The following PAX3 variants were observed in gnomAD, a reference collection of about 807,000 sequenced individuals.
PAX3 encodes the protein paired box protein Pax-3.
In PAX3, 14 loss-of-function variants were observed where a neutral mutation model predicts 51.6. The ratio of observed to expected loss-of-function variants is 0.27; its 90% confidence interval spans 0.18 to 0.42. The LOEUF is 0.42. PAX3 is among the 10% of genes least tolerant of loss of function. The probability of loss-of-function intolerance (pLI) is 1.00; values close to 1 mark genes in which losing one functional copy is unlikely to be tolerated. For missense variants in PAX3, 540 were observed against 642.8 expected, an observed-to-expected ratio of 0.84 and a Z score of 1.73; for synonymous variants, 280 against 253.4, an observed-to-expected ratio of 1.11 and a Z score of -1.00.
At chr2:222,231,379 T>C (rs905462908) in intron 5 of PAX3, among the ~76,000 whole-genome samples, 6 of 152,240 alleles carry the variant, frequency 3.9e-5, no homozygotes, top group Admixed American at 3.9e-4. Flanking sequence ...GATGAAAACA[T>C]TATTCTATAC....
chr2:222,216,987 C>A (rs77332429), intron 7 of PAX3, among the ~76,000 whole-genome samples: 75 of 152,278 alleles, frequency 4.9e-4, no homozygotes, highest in Non-Finnish European at 1.9e-4. Flanking sequence ...ATAACCAATT[C>A]GGTGTAAATT....
At chr2:222,242,902 C>T (rs1018468186) in intron 4 of PAX3, among the ~76,000 whole-genome samples, 2 of 152,174 alleles carry the variant, frequency 1.3e-5, no homozygotes, top group African/African-American at 4.8e-5. Context: ...TGCCTTCATC[C>T]TTATTTTCCA....
chr2:222,275,713 T>A (rs1256571680), intron 4 of PAX3, among the ~76,000 whole-genome samples: 2 of 151,108 alleles, frequency 1.3e-5, no homozygotes, highest in African/African-American at 2.5e-5. Flanking sequence ...ACAAAAAAAA[T>A]ATTTCTTACA....
In PAX3 at chr2:222,298,623, G is replaced by A. The variant is rs1486719560; in HGVS notation, c.-8C>T. 1.2e-6 allele frequency: 2 copies of A among 1,600,944 alleles called. No homozygotes were observed. The highest frequency in any genetic ancestry group is 1.1e-5 in the South Asian group (1 of 89,048). On this transcript the variant is annotated 5_prime_UTR_variant, in exon 1 of 9. Transcript: ENST00000392070. ...GCCGGCCAGCGTGGTCATCCTGGGG[G>A]CAGCTTCGCTCGGAAATTATATCCA... is the stretch of plus-strand genomic sequence containing the variant.
intron 4 of PAX3, among the ~76,000 whole-genome samples, chr2:222,254,653 T>C (rs59740694): frequency 0.12 from 17,614 of 152,216 alleles, 1,231 homozygotes; most frequent in East Asian, 0.32. Context: ...AGTTAATAAA[T>C]GATTATTTCA....
At chr2:222,203,294 G>A (rs183291745) in intron 7 of PAX3, among the ~76,000 whole-genome samples, 9 of 151,800 alleles carry the variant, frequency 5.9e-5, no homozygotes, top group Admixed American at 2.6e-4. Flanking sequence ...CACGAGAGAG[G>A]AAGCGATTTT....
chr2:222,292,490 G>T (rs1280464500), intron 4 of PAX3, among the ~76,000 whole-genome samples: 1 of 152,204 alleles, frequency 6.6e-6, no homozygotes, highest in African/African-American at 2.4e-5. Context: ...CATTTGGGAC[G>T]TTTTGTCTCC....
chr2:222,208,729 C>T lies in PAX3; in HGVS notation c.1174-6539G>A, dbSNP rs116423908. Among the ~76,000 whole-genome samples, 508 of 152,260 alleles carry T rather than the reference C, an allele frequency of 3.3e-3. 5 individuals carry two copies. Among genetic ancestry groups the T allele is most frequent in the African/African-American group, 0.012 (484 of 41,556 alleles). On this transcript the variant is annotated intron_variant, in intron 7 of 8. Coordinates refer to ENST00000392070, the MANE Select transcript of PAX3 (RefSeq NM_181458.4). ...GAGAACATGACTGTGGAAAATCAAACGTGTATCTTGGTTTCATTTCATGAC... is the reference window on the plus strand; with the variant it reads ...GAGAACATGACTGTGGAAAATCAAATGTGTATCTTGGTTTCATTTCATGAC...
chr2:222,260,878 C>T (rs1693838785), intron 4 of PAX3, among the ~76,000 whole-genome samples: 2 of 152,056 alleles, frequency 1.3e-5, no homozygotes, highest in African/African-American at 2.4e-5. Flanking sequence ...TGAGCCACTG[C>T]ACCATGCCGC....
chr2:222,272,056 G>A (rs1156392842), intron 4 of PAX3, among the ~76,000 whole-genome samples: 1 of 152,142 alleles, frequency 6.6e-6, no homozygotes, highest in Non-Finnish European at 1.5e-5. Flanking sequence ...TGATCGTGTT[G>A]CATGAAACCA....
chr2:222,219,413 C>T (rs1367523685), intron 7 of PAX3, among the ~76,000 whole-genome samples: 1 of 152,196 alleles, frequency 6.6e-6, no homozygotes, highest in Non-Finnish European at 1.5e-5. Context: ...TAAACAACTG[C>T]TAATAATGTC....
chr2:222,282,131 G>A (rs766719244), intron 4 of PAX3, among the ~76,000 whole-genome samples: 6 of 151,892 alleles, frequency 4.0e-5, no homozygotes, highest in Non-Finnish European at 8.8e-5. Context: ...TTTCTGAAAG[G>A]CCCATTCCTA....
intron 8 of PAX3, 64 bp from the exon 9 acceptor site, chr2:222,201,506 C>A: frequency 3.1e-6 from 5 of 1,588,880 alleles, no homozygotes; most frequent in Non-Finnish European, 4.3e-6. Flanking sequence ...GGGGCAAGAT[C>A]AGCTACAGGC....
chr2:222,217,725 T>C (rs892643763), intron 7 of PAX3, among the ~76,000 whole-genome samples: 4 of 152,226 alleles, frequency 2.6e-5, no homozygotes, highest in African/African-American at 9.6e-5. Context: ...TAGTCTCTTC[T>C]TTAGTTAACA....
chr2:222,236,435 T>C (rs1250737703), intron 4 of PAX3, among the ~76,000 whole-genome samples: 2 of 152,158 alleles, frequency 1.3e-5, no homozygotes, highest in Non-Finnish European at 2.9e-5. Context: ...TTAAATCCCA[T>C]TTTAAGAGCA....
intron 4 of PAX3, among the ~76,000 whole-genome samples, chr2:222,256,265 G>T (rs368257029): frequency 6.6e-4 from 101 of 152,158 alleles, no homozygotes; most frequent in African/African-American, 2.4e-3. Flanking sequence ...TTCAGAATTT[G>T]CAGGAAGATT....
At chr2:222,266,253 G>A (rs1411536165) in intron 4 of PAX3, among the ~76,000 whole-genome samples, 1 of 152,152 alleles carries the variant, frequency 6.6e-6, no homozygotes, top group Non-Finnish European at 1.5e-5. Context: ...ATGTGCAAGA[G>A]TCCCAAAGTT....
At chr2:222,231,546 C>T (rs1692595909) in intron 5 of PAX3, among the ~76,000 whole-genome samples, 1 of 152,160 alleles carries the variant, frequency 6.6e-6, no homozygotes, top group Non-Finnish European at 1.5e-5. Context: ...ATGTTATGCA[C>T]CTTTGCACAT....
intron 4 of PAX3, among the ~76,000 whole-genome samples, chr2:222,262,131 A>T (rs941778875): frequency 6.6e-6 from 1 of 152,224 alleles, no homozygotes; most frequent in Non-Finnish European, 1.5e-5. Context: ...TTTGCTCAAC[A>T]TAACATTTTT....
Sources: gnomAD v4.1 joint callset for allele counts (sites outside exome capture counted in the v4.1 genomes callset) on GRCh38, gnomAD v4.1.1 for gene constraint, MANE v1.5 for transcripts, NCBI Gene and HGNC (gene_info 2026-07-23, HGNC 2026-07-21) for gene names.